The following ATXN10 variants were observed in gnomAD, a reference collection of about 807,000 sequenced individuals.
ATXN10 encodes the protein ataxin 10.
Under a neutral mutation model 52.9 loss-of-function variants are expected in ATXN10, and 28 were observed. The observed-to-expected ratio is 0.53, with a 90% CI of 0.39 to 0.73. ATXN10 has a LOEUF of 0.73. Among genes scored for constraint, ATXN10 ranks in the 30% least tolerant of loss-of-function variants. The pLI is 0.00. For synonymous variants in ATXN10, 226 were observed against 221.5 expected, an observed-to-expected ratio of 1.02 and a Z score of -0.18; for missense variants, 565 against 577.0, an observed-to-expected ratio of 0.98 and a Z score of 0.21.
Position 45,823,182 on chromosome 22 carries a change from G to C in ATXN10, c.1237+16160G>C, listed in dbSNP as rs1928709913. 3 of 471,698 alleles carry C rather than the reference G, an allele frequency of 6.4e-6. No homozygotes were observed. The highest frequency in any genetic ancestry group is 1.3e-5 in the Non-Finnish European group (3 of 227,204). The allele number at this position is 471,698 out of a possible 1,614,324, so 29.2% of individuals were successfully genotyped here. Reference sequence around the variant, plus strand: ...CCCATCTCCCTAGGCGGCTTCTTGAGTGTCCCGTCTCCCTCACTGCCAATC... The same window carrying C: ...CCCATCTCCCTAGGCGGCTTCTTGACTGTCCCGTCTCCCTCACTGCCAATC... On this transcript the variant is annotated intron_variant, in intron 10 of 11. Coordinates refer to ENST00000252934, the MANE Select transcript of ATXN10 (RefSeq NM_013236.4). This position sits in a 1 kb window ranked among gnomAD's most constrained non-coding sequence, Gnocchi z 4.9.
chr22:45,712,680 T>G lies in ATXN10; in HGVS notation c.648-5733T>G, dbSNP rs1033828495. Among the ~76,000 whole-genome samples, 5 of 152,208 alleles carry G rather than the reference T, an allele frequency of 3.3e-5. No homozygotes were observed. The highest frequency in any genetic ancestry group is 7.3e-5 in the Non-Finnish European group (5 of 68,038). ...GCCTGGCACATGTAGATTCAGGAAA[T>G]CTATTTATATATTTTTCAGATTATA... On this transcript the variant is annotated intron_variant, in intron 5 of 11. Coordinates refer to ENST00000252934, the MANE Select transcript of ATXN10 (RefSeq NM_013236.4). This position sits in a 1 kb window ranked among gnomAD's most constrained non-coding sequence, Gnocchi z 4.6.
At chr22:45,830,699 A>G (rs981674419) in intron 10 of ATXN10, among the ~76,000 whole-genome samples, 3 of 152,132 alleles carry the variant, frequency 2.0e-5, no homozygotes, top group Admixed American at 6.5e-5. Context: ...AACAAGAAAA[A>G]AAAAAAAAAC....
At position 45,795,354 on chromosome 22, in the gene ATXN10, G is replaced by GATTCTATTCTATTCTATTCTACTCT. The variant is rs1927673258; in HGVS notation, c.1174-11584_1174-11583insCTCTATTCTATTCTATTCTATTCTA. Among the ~76,000 whole-genome samples the GATTCTATTCTATTCTATTCTACTCT allele has an allele frequency of 7.9e-6, 1 of 126,538 alleles. No individual in the cohort carries two copies. The highest frequency in any genetic ancestry group is 2.5e-4 in the East Asian group (1 of 4,038). 83.0% of individuals were successfully genotyped at this position (126,538 alleles called of 152,430 possible). On this transcript the variant is annotated intron_variant, in intron 9 of 11. Coordinates refer to ENST00000252934, the MANE Select transcript of ATXN10 (RefSeq NM_013236.4). The surrounding 1 kb of genome is among the most constrained non-coding windows in gnomAD (Gnocchi z 4.6). The stretch of plus-strand genomic sequence containing the variant: ...ATCCAACTAAAAGACTACTAGAATG[G>GATTCTATTCTATTCTATTCTACTCT]ATTCTATTCTATTCTATTCTATTCT...
intron 9 of ATXN10, among the ~76,000 whole-genome samples, chr22:45,745,213 C>T (rs1369881779): frequency 1.3e-5 from 2 of 152,104 alleles, no homozygotes; most frequent in African/African-American, 4.8e-5. Flanking sequence ...CTTTTTCTTC[C>T]CTATTCTTCT....
intron 9 of ATXN10, among the ~76,000 whole-genome samples, chr22:45,741,982 G>C (rs1348952664): frequency 1.3e-5 from 2 of 152,056 alleles, no homozygotes; most frequent in Admixed American, 1.3e-4. Flanking sequence ...GGAAAGTGAG[G>C]GGGGAATTGT....
At position 45,725,918 on chromosome 22, in the gene ATXN10, T is replaced by A. The variant is rs146123691; in HGVS notation, c.729-3507T>A. Among the ~76,000 whole-genome samples the A allele has an allele frequency of 6.8e-4, 103 of 152,076 alleles. 2 individuals carry two copies. In the East Asian group the frequency reaches 0.014, roughly 21 times the overall value. Reference sequence around the variant, plus strand: ...TTCTGCGTCTATTGGGATGATCATATTTTTTTTGTTTTTAATTCTGTTTAT... The same window carrying A: ...TTCTGCGTCTATTGGGATGATCATAATTTTTTTGTTTTTAATTCTGTTTAT... On this transcript the variant is annotated intron_variant, in intron 6 of 11. Coordinates refer to ENST00000252934, the MANE Select transcript of ATXN10 (RefSeq NM_013236.4).
At chr22:45,710,117 C>G (rs540926434) in intron 5 of ATXN10, among the ~76,000 whole-genome samples, 41 of 152,196 alleles carry the variant, frequency 2.7e-4, no homozygotes, top group Non-Finnish European at 5.9e-4. Context: ...TGTTGTCACT[C>G]CTTGCTTAAA....
At chr22:45,693,484 G>A (rs1182902551) in intron 3 of ATXN10, among the ~76,000 whole-genome samples, 1 of 152,140 alleles carries the variant, frequency 6.6e-6, no homozygotes, top group East Asian at 1.9e-4. Flanking sequence ...AAGGTGGAAG[G>A]CAGAAGGCAT....
chr22:45,758,523 G>A (rs117821556), intron 9 of ATXN10, among the ~76,000 whole-genome samples: 5,339 of 152,312 alleles, frequency 0.035, 139 homozygotes, highest in Non-Finnish European at 0.053. Context: ...CATATCACAC[G>A]TAATTCAAGG....
chr22:45,832,499 T>C (rs1172916517), intron 10 of ATXN10, among the ~76,000 whole-genome samples: 1 of 152,246 alleles, frequency 6.6e-6, no homozygotes, highest in East Asian at 1.9e-4. Flanking sequence ...GTAATTATGC[T>C]CTGTCACCCC....
At position 45,783,295 on chromosome 22, in the gene ATXN10, C is replaced by T. The variant is rs1245967116; in HGVS notation, c.1174-23664C>T. Among the ~76,000 whole-genome samples, 1 of 152,196 alleles carries T rather than the reference C, an allele frequency of 6.6e-6. No homozygotes were observed. Among genetic ancestry groups the T allele is most frequent in the Non-Finnish European group, 1.5e-5 (1 of 68,034 alleles). On this transcript the variant is annotated intron_variant, in intron 9 of 11. Transcript: ENST00000252934. This position sits in a 1 kb window ranked among gnomAD's most constrained non-coding sequence, Gnocchi z 5.0. ...AGGGATGGTGAGAGATTTTCTCATG[C>T]TCCTCAGCATGGTGCACAACTTAAA...
chr22:45,751,161 C>G (rs1925933080), intron 9 of ATXN10, among the ~76,000 whole-genome samples: 1 of 152,050 alleles, frequency 6.6e-6, no homozygotes, highest in Admixed American at 6.5e-5. Context: ...GAATTCCTGA[C>G]CTCAAGTGAT....
Position 45,744,930 on chromosome 22 carries a change from T to C in ATXN10, c.1173+4392T>C, listed in dbSNP as rs917568594. The C allele has an allele frequency of 9.2e-5, 14 of 152,234 alleles. No individual in the cohort carries two copies. The highest frequency in any genetic ancestry group is 2.1e-4 in the Non-Finnish European group (14 of 68,036). 9.4% of individuals were successfully genotyped at this position (152,234 alleles called of 1,614,324 possible). A position where few individuals can be genotyped will look rare whatever the true frequency, so the allele number is the denominator to read the frequency against. ...GATAGATGTAGTGTTTCCTGAATTG[T>C]AAAGGAATTGCTAGACTTCCCTTTA... On this transcript the variant is annotated intron_variant, in intron 9 of 11. Coordinates refer to ENST00000252934, the MANE Select transcript of ATXN10 (RefSeq NM_013236.4). This position sits in a 1 kb window ranked among gnomAD's most constrained non-coding sequence, Gnocchi z 4.9.
At position 45,772,143 on chromosome 22, in the gene ATXN10, G is replaced by A. The variant is rs1406550377; in HGVS notation, c.1173+31605G>A. ...CTTTTTGTGTCATTTCAAGAACTCT[G>A]TCCCTAATTCAGAATCACAAGAATT... On this transcript the variant is annotated intron_variant, in intron 9 of 11. Transcript: ENST00000252934. The surrounding 1 kb of genome is among the most constrained non-coding windows in gnomAD (Gnocchi z 4.1). 6.6e-6 allele frequency among the ~76,000 whole-genome samples: 1 copy of A among 152,008 alleles called. No individual in the cohort carries two copies. The highest frequency in any genetic ancestry group is 1.9e-4 in the East Asian group (1 of 5,200).
Position 45,735,259 on chromosome 22 carries a change from A to T in ATXN10, c.895-3472A>T, listed in dbSNP as rs577316843. Among the ~76,000 whole-genome samples the T allele has an allele frequency of 1.3e-4, 20 of 152,084 alleles. 1 individual carries two copies. The South Asian group carries it at 3.9e-3, about 30-fold the overall frequency. ...CCTAAATGTTATCTGTTATTATTTC[A>T]GTACCATTTAGTGAATAATCTTATC... On this transcript the variant is annotated intron_variant, in intron 7 of 11. Transcript: ENST00000252934.
In ATXN10 at chr22:45,719,069, A is replaced by G. The variant is rs142056853; in HGVS notation, c.728+576A>G. Among the ~76,000 whole-genome samples, 677 of 150,666 alleles carry G rather than the reference A, an allele frequency of 4.5e-3. 7 individuals are homozygous for G. Among genetic ancestry groups the G allele is most frequent in the African/African-American group, 0.015 (626 of 41,092 alleles). ...TGTGTGTATTTTTTTTTTTTTTCCT[A>G]AACCTCTATGGTAAGGTACAAGGGA... On this transcript the variant is annotated intron_variant, in intron 6 of 11. Transcript: ENST00000252934.
At chr22:45,698,711 A>G (rs1923716773) in intron 3 of ATXN10, among the ~76,000 whole-genome samples, 1 of 152,204 alleles carries the variant, frequency 6.6e-6, no homozygotes, top group South Asian at 2.1e-4. Flanking sequence ...CAGGAAGGAA[A>G]ATGGAAAGGA....
intron 10 of ATXN10, among the ~76,000 whole-genome samples, chr22:45,821,172 A>G (rs1446066305): frequency 1.3e-5 from 2 of 152,192 alleles, no homozygotes; most frequent in East Asian, 3.9e-4. Context: ...GCCAAAGTGT[A>G]TCAGAATCAA....
intron 3 of ATXN10, among the ~76,000 whole-genome samples, chr22:45,695,112 C>T (rs376969447): frequency 3.3e-5 from 5 of 151,750 alleles, no homozygotes; most frequent in South Asian, 4.2e-4. Context: ...GGGCGGATCA[C>T]GAGGTCAGGA....
Sources: allele counts gnomAD v4.1 joint callset (sites outside exome capture counted in the v4.1 genomes callset), GRCh38; gene constraint gnomAD v4.1.1; non-coding constraint Gnocchi (gnomAD v3.1); transcripts MANE v1.5; gene names NCBI Gene and HGNC (gene_info 2026-07-23, HGNC 2026-07-21).